RAB11FIP3: variants seen among roughly 807,000 people sequenced by gnomAD.
RAB11FIP3 encodes the protein rab11 family-interacting protein 3.
RAB11FIP3 carries 17 observed loss-of-function variants against 77.8 expected under a neutral mutation model. The ratio of observed to expected loss-of-function variants is 0.22; its 90% CI spans 0.15 to 0.33. The LOEUF is 0.33. RAB11FIP3 is among the 10% of genes least tolerant of loss of function. The pLI is 1.00. For missense variants in RAB11FIP3, 1,005 were observed against 1,011.2 expected (o/e 0.99, Z 0.08); for synonymous variants, 437 against 448.2 (o/e 0.98, Z 0.31).
rs1344098260 is a variant in RAB11FIP3, at chr16:506,524, C to G, written c.1499+897C>G. Among the ~76,000 whole-genome samples the G allele has an allele frequency of 1.3e-5, 2 of 152,218 alleles. No homozygotes were observed. Among genetic ancestry groups the G allele is most frequent in the African/African-American group, 2.4e-5 (1 of 41,458 alleles). ...GCCCTGTCCCTTGAAGCTTCAGTGT[C>G]TTCATCACCACTGAGCAGGTAGATT... is the stretch of plus-strand genomic sequence containing the variant. On this transcript the variant is annotated intron_variant, in intron 8 of 13. Coordinates refer to ENST00000262305, the MANE Select transcript of RAB11FIP3 (RefSeq NM_014700.4). This position sits in a 1 kb window ranked among gnomAD's most constrained non-coding sequence, Gnocchi z 4.5.
At chr16:458,273 C>T (rs969549100) in intron 1 of RAB11FIP3, among the ~76,000 whole-genome samples, 2 of 152,234 alleles carry the variant, frequency 1.3e-5, no homozygotes, top group South Asian at 4.1e-4. Flanking sequence ...ACGTGCTACA[C>T]CCCCCATCCT....
chr16:482,413 A>T, intron 3 of RAB11FIP3, 112 bp from the exon 4 acceptor site: 1 of 1,000,178 alleles, frequency 1.0e-6, no homozygotes, highest in Non-Finnish European at 1.6e-6. Context: ...TTCAGGCGTC[A>T]GACCCCTCCC....
intron 1 of RAB11FIP3, among the ~76,000 whole-genome samples, chr16:450,570 TG>T (rs1217149766): frequency 6.6e-6 from 1 of 152,160 alleles, no homozygotes; most frequent in Non-Finnish European, 1.5e-5. Context: ...GGTGTCCCCA[TG>T]GGGGCTGGTG....
At chr16:453,750 C>T (rs1354087501) in intron 1 of RAB11FIP3, among the ~76,000 whole-genome samples, 2 of 151,992 alleles carry the variant, frequency 1.3e-5, no homozygotes, top group East Asian at 3.9e-4. Context: ...GCCACCACGC[C>T]CAGCTAATTT....
chr16:440,210 T>G (rs1203086195), intron 1 of RAB11FIP3, among the ~76,000 whole-genome samples: 1 of 152,152 alleles, frequency 6.6e-6, no homozygotes, highest in Non-Finnish European at 1.5e-5. Context: ...ATTCTGTGCC[T>G]TATAGTTGCA....
At chr16:489,235 A>G in intron 5 of RAB11FIP3, 6 of 566,542 alleles carry the variant, frequency 1.1e-5, no homozygotes, top group Non-Finnish European at 1.2e-5. Context: ...GGCTTCAGCA[A>G]AATCCTGTGG....
At chr16:447,465 G>T (rs894624196) in intron 1 of RAB11FIP3, among the ~76,000 whole-genome samples, 2 of 152,152 alleles carry the variant, frequency 1.3e-5, no homozygotes, top group South Asian at 2.1e-4. Flanking sequence ...GTGGCCGGGC[G>T]CAGTGGCTCA....
At chr16:502,963 T>C (rs1415810089) in intron 6 of RAB11FIP3, 41 bp from the exon 7 acceptor site, 1 of 1,500,616 alleles carries the variant, frequency 6.7e-7, no homozygotes, top group South Asian at 1.1e-5. Flanking sequence ...TGTCCTGTGG[T>C]TTTTCCCTTT....
At chr16:477,330 T>A (rs1170976851) in intron 3 of RAB11FIP3, among the ~76,000 whole-genome samples, 2 of 152,084 alleles carry the variant, frequency 1.3e-5, no homozygotes, top group African/African-American at 4.8e-5. Flanking sequence ...CTTTTTAGAG[T>A]CAGCAGCGGG....
chr16:508,207 G>A (rs1006917385), intron 8 of RAB11FIP3, among the ~76,000 whole-genome samples: 1 of 152,218 alleles, frequency 6.6e-6, no homozygotes, highest in African/African-American at 2.4e-5. Context: ...CGAATTCCCT[G>A]AGAATGTGAA....
At chr16:442,913 T>G (rs1416286627) in intron 1 of RAB11FIP3, among the ~76,000 whole-genome samples, 1 of 152,178 alleles carries the variant, frequency 6.6e-6, no homozygotes, top group East Asian at 1.9e-4. Context: ...TTTTATTTCA[T>G]TCCAACATCG....
Position 461,593 on chromosome 16 carries a change from A to G in RAB11FIP3, c.808+96A>G. 1 of 1,015,834 alleles carries G rather than the reference A, an allele frequency of 9.8e-7. No individual in the cohort carries two copies. Among genetic ancestry groups the G allele is most frequent in the South Asian group, 1.4e-5 (1 of 71,378 alleles). The allele number at this position is 1,015,834 out of a possible 1,614,324, so 62.9% of individuals were successfully genotyped here. On this transcript the variant is annotated intron_variant, in intron 2 of 13. Transcript: ENST00000262305. This position sits in a 1 kb window ranked among gnomAD's most constrained non-coding sequence, Gnocchi z 4.5. ...TCACCAGGCTCCTCGTGCTGACTCTAACATCTTTCCTTCTCCTTGAAGCCC... is the reference window on the plus strand; with the variant it reads ...TCACCAGGCTCCTCGTGCTGACTCTGACATCTTTCCTTCTCCTTGAAGCCC...
rs2032669226 is a variant in RAB11FIP3, at chr16:521,161, ACACTTCAGTT to A, written c.*325_*334del. 2.4e-6 allele frequency: 1 copy of A among 425,450 alleles called. No homozygotes were observed. The highest frequency in any genetic ancestry group is 4.4e-6 in the Non-Finnish European group (1 of 228,872). 26.4% of individuals were successfully genotyped at this position (425,450 alleles called of 1,614,324 possible). A position where few individuals can be genotyped will look rare whatever the true frequency, so the allele number is the denominator to read the frequency against. On this transcript the variant is annotated 3_prime_UTR_variant, in exon 14 of 14. Transcript: ENST00000262305. ...TGAGTCAAGCTGGCCATGAACGCGT[ACACTTCAGTT>A]CAGCAGGATGGGCTGGAGAGCCTCT...
intron 8 of RAB11FIP3, among the ~76,000 whole-genome samples, chr16:509,750 G>C (rs1053196535): frequency 2.3e-4 from 34 of 148,904 alleles, no homozygotes; most frequent in African/African-American, 6.9e-4. Flanking sequence ...AGCAGAGTGG[G>C]CCCCCCCCCC....
chr16:455,920 C>A (rs932600630), intron 1 of RAB11FIP3, among the ~76,000 whole-genome samples: 4 of 152,120 alleles, frequency 2.6e-5, no homozygotes, highest in Admixed American at 2.6e-4. Context: ...ATACTAAGTG[C>A]ATCTCAAATA....
rs2055609004 is a variant in RAB11FIP3, at chr16:461,677, T to TA, written c.808+181dup. Reference sequence around the variant, plus strand: ...CCTTTCTTGTTACCTTCTCCTCACATACCCTGTTTTCCAGAATTTGCTGCG... The same window carrying TA: ...CCTTTCTTGTTACCTTCTCCTCACATAACCCTGTTTTCCAGAATTTGCTGCG... On this transcript the variant is annotated intron_variant, in intron 2 of 13. Coordinates refer to ENST00000262305, the MANE Select transcript of RAB11FIP3 (RefSeq NM_014700.4). The surrounding 1 kb of genome is among the most constrained non-coding windows in gnomAD (Gnocchi z 4.5). Among the ~76,000 whole-genome samples the TA allele has an allele frequency of 6.6e-6, 1 of 152,106 alleles. No homozygotes were observed. The highest frequency in any genetic ancestry group is 6.6e-5 in the Admixed American group (1 of 15,260).
chr16:478,438 G>A (rs1463144244), intron 3 of RAB11FIP3, among the ~76,000 whole-genome samples: 3 of 151,888 alleles, frequency 2.0e-5, no homozygotes, highest in African/African-American at 7.3e-5. Flanking sequence ...TGATCCACCC[G>A]CCTCGGCCTT....
In RAB11FIP3 at chr16:488,903, T is replaced by G; in HGVS notation, c.1168T>G (p.Phe390Val). 1 of 1,613,948 alleles carries G rather than the reference T, an allele frequency of 6.2e-7. No individual in the cohort carries two copies. The highest frequency in any genetic ancestry group is 8.5e-7 in the Non-Finnish European group (1 of 1,179,986). ...VITVIGGEEHFEDYGEGSEAE... is the reference protein window; with the variant it reads ...VITVIGGEEHVEDYGEGSEAE... ...CACGGTGATCGGGGGCGAGGAGCAC[T>G]TTGAGGACTACGGTGAAGGCAGTGA... Residue 390 changes from phenylalanine to valine, a missense_variant, in exon 5 of 14, where the codon TTT (phenylalanine) becomes GTT (valine). This residue lies in a region of RAB11FIP3 where 433 missense variants were observed against 436.1 expected (regional missense o/e 0.99). Transcript: ENST00000262305.
intron 1 of RAB11FIP3, among the ~76,000 whole-genome samples, chr16:446,470 C>T (rs1406187808): frequency 6.6e-6 from 1 of 152,140 alleles, no homozygotes; most frequent in East Asian, 1.9e-4. Flanking sequence ...TTCCAGGTGG[C>T]CTTTGGCACT....
Sources: gnomAD v4.1 joint callset for allele counts (sites outside exome capture counted in the v4.1 genomes callset) on GRCh38, gnomAD v4.1.1 for gene constraint, gnomAD v4.1.1 regional missense constraint, Gnocchi (gnomAD v3.1) non-coding constraint, MANE v1.5 for transcripts, NCBI Gene and HGNC (gene_info 2026-07-23, HGNC 2026-07-21) for gene names.